Variants in KCTD4 observed in about 807,000 individuals in gnomAD.
KCTD4 encodes potassium channel tetramerization domain containing 4, also known as BTB/POZ domain-containing protein KCTD4.
A neutral mutation model predicts 18.3 loss-of-function variants in KCTD4; 12 were observed. The ratio of observed to expected loss-of-function variants is 0.66; its 90% CI spans 0.42 to 1.06. The LOEUF is 1.06. Among genes scored for constraint, KCTD4 ranks in the 50% least tolerant of loss-of-function variants. The probability of loss-of-function intolerance (pLI) is 0.00; values close to 1 mark genes in which losing one functional copy is unlikely to be tolerated. For missense variants in KCTD4, 250 were observed against 303.4 expected, an observed-to-expected ratio of 0.82 and a Z score of 1.31; for synonymous variants, 124 against 110.5, an observed-to-expected ratio of 1.12 and a Z score of -0.76.
intron 1 of KCTD4, among the ~76,000 whole-genome samples, chr13:45,199,268 T>C (rs1450766260): frequency 1.3e-5 from 2 of 152,166 alleles, no homozygotes; most frequent in Non-Finnish European, 2.9e-5. Flanking sequence ...TTAGCTTCAT[T>C]TGAGGAGTAT....
At chr13:45,198,895 ACTGT>A (rs1873036772) in intron 1 of KCTD4, among the ~76,000 whole-genome samples, 1 of 152,176 alleles carries the variant, frequency 6.6e-6, no homozygotes, top group Non-Finnish European at 1.5e-5. Flanking sequence ...TAAAAATTAC[ACTGT>A]CTAATTATTG....
In KCTD4 at chr13:45,196,761, C is replaced by G. The variant is rs1282652299; in HGVS notation, c.-187-2007G>C. Among the ~76,000 whole-genome samples, 3 of 152,120 alleles carry G rather than the reference C, an allele frequency of 2.0e-5. No individual in the cohort carries two copies. In the East Asian group the frequency reaches 5.8e-4, roughly 29 times the overall value. ...CTTCCTTACACCCTGTTTGGCCTGT[C>G]TATAGATGTCTTCATGGGAAGCCCC... On this transcript the variant is annotated intron_variant, in intron 1 of 1. Transcript: ENST00000379108.
chr13:45,194,483 T>G lies in KCTD4; in HGVS notation c.85A>C (p.Asn29His). The part of the protein sequence containing the change: ...NSLEDTDQGK[N>H]CKSTLMTLNV... Reference sequence around the variant, plus strand: ...AGGGTCATCAGTGTGGATTTGCAGTTCTTTCCTTGATCAGTATCTTCCAGG... The same window carrying G: ...AGGGTCATCAGTGTGGATTTGCAGTGCTTTCCTTGATCAGTATCTTCCAGG... Residue 29 changes from asparagine to histidine, a missense_variant, in exon 2 of 2, where the codon AAC (asparagine) becomes CAC (histidine). Physicochemically the swap from Asn to His is moderately conservative, Grantham distance 68. Transcript: ENST00000379108. 5 of 1,614,200 alleles carry G rather than the reference T, an allele frequency of 3.1e-6. No individual in the cohort carries two copies. Among genetic ancestry groups the G allele is most frequent in the Non-Finnish European group, 4.2e-6 (5 of 1,180,000 alleles).
chr13:45,197,017 TCTC>T (rs1370051090), intron 1 of KCTD4, among the ~76,000 whole-genome samples: 1 of 151,798 alleles, frequency 6.6e-6, no homozygotes, highest in Admixed American at 6.6e-5. Context: ...TTGTGCCTCT[TCTC>T]CTTGATTGTT....
intron 1 of KCTD4, among the ~76,000 whole-genome samples, chr13:45,195,855 C>T (rs1872865272): frequency 6.6e-6 from 1 of 152,018 alleles, no homozygotes; most frequent in Admixed American, 6.6e-5. Flanking sequence ...AAGTTTTTGC[C>T]ATGTTGCCCA....
In KCTD4 at chr13:45,194,296, T is replaced by C. The variant is rs761446425; in HGVS notation, c.272A>G (p.Asn91Ser). 9 of 1,614,040 alleles carry C rather than the reference T, an allele frequency of 5.6e-6. No individual in the cohort carries two copies. The highest frequency in any genetic ancestry group is 6.8e-6 in the Non-Finnish European group (8 of 1,180,018). ...TAGAAGTTCTCCATTTCGTAGGAAG[T>C]TTAGGACATGCCTGAAGAGGAGACC... ...RDGLLFRHVL[N>S]FLRNGELLLP... The change falls in exon 2 of 2, where the codon AAC becomes AGC. Residue 91 changes from asparagine (N) to serine (S), a missense_variant. Transcript: ENST00000379108.
rs942051249 is a variant in KCTD4 at position 45,199,160 on chromosome 13, A to G, written c.-188+1664T>C. ...CCTCTGGCCACAAGGTCGTGTGAAC[A>G]TGTCATTGCAGTCCAAAGAATACAG... On this transcript the variant is annotated intron_variant, in intron 1 of 1. Transcript: ENST00000379108. Among the ~76,000 whole-genome samples the G allele has an allele frequency of 5.9e-5, 9 of 152,374 alleles. 1 individual carries two copies. The highest frequency in any genetic ancestry group is 2.2e-4 in the African/African-American group (9 of 41,590).
In KCTD4 at chr13:45,194,610, AT is replaced by A. The variant is rs1302028845; in HGVS notation, c.-44del. 8 of 1,552,866 alleles carry A rather than the reference AT, an allele frequency of 5.2e-6. No individual in the cohort carries two copies. The highest frequency in any genetic ancestry group is 7.0e-6 in the Non-Finnish European group (8 of 1,145,564). ...TCAGCTTGTTCTTCTTGGCTTTGAGATTTTTTAAAAAGAGACACTACCACAC... is the reference window on the plus strand; with the variant it reads ...TCAGCTTGTTCTTCTTGGCTTTGAGATTTTTAAAAAGAGACACTACCACAC... On this transcript the variant is annotated 5_prime_UTR_variant, in exon 2 of 2. Transcript: ENST00000379108.
Position 45,196,200 on chromosome 13 carries a change from A to T in KCTD4, c.-187-1446T>A, listed in dbSNP as rs138401416. Among the ~76,000 whole-genome samples, 257 of 152,340 alleles carry T rather than the reference A, an allele frequency of 1.7e-3. 1 individual carries two copies. Among genetic ancestry groups the T allele is most frequent in the Middle Eastern group, 0.014 (4 of 294 alleles). On this transcript the variant is annotated intron_variant, in intron 1 of 1. Transcript: ENST00000379108. The stretch of plus-strand genomic sequence containing the variant: ...TGAAATCGAACTAGAAAACTAAGGC[A>T]TAATGTTTTTAGAGCTGTGTTTTTG...
intron 1 of KCTD4, among the ~76,000 whole-genome samples, chr13:45,198,944 A>G (rs2138179930): frequency 6.6e-6 from 1 of 152,316 alleles, no homozygotes; most frequent in South Asian, 2.1e-4. Flanking sequence ...TCCCATGTTA[A>G]TGTAATTCTT....
Position 45,193,848 on chromosome 13 carries a change from G to C in KCTD4, c.720C>G (p.Thr240=), listed in dbSNP as rs1294276589. The part of the protein sequence containing the change: ...MALKCGFRLL[T]SLDCSKGSIV... ...TTGACCCTTTGGAACAATCCAGGCT[G>C]GTCAGCAGTCTAAAGCCACACTTTA... is the stretch of plus-strand genomic sequence containing the variant. The change falls in exon 2 of 2, where the codon ACC becomes ACG. Residue 240 remains threonine, a synonymous_variant. Coordinates refer to ENST00000379108, the MANE Select transcript of KCTD4 (RefSeq NM_198404.3). 22 of 1,613,846 alleles carry C rather than the reference G, an allele frequency of 1.4e-5. No homozygotes were observed. Among genetic ancestry groups the C allele is most frequent in the Non-Finnish European group, 1.9e-5 (22 of 1,179,914 alleles).
At chr13:45,198,779 A>G (rs1181972370) in intron 1 of KCTD4, among the ~76,000 whole-genome samples, 1 of 150,968 alleles carries the variant, frequency 6.6e-6, no homozygotes, top group African/African-American at 2.4e-5. Flanking sequence ...TTTTTTTAAC[A>G]TGTACTTGCT....
rs1014743885 is a variant in KCTD4 at position 45,200,870 on chromosome 13, C to T, written c.-234G>A. 6.6e-6 allele frequency among the ~76,000 whole-genome samples: 1 copy of T among 152,120 alleles called. No homozygotes were observed. The highest frequency in any genetic ancestry group is 1.5e-5 in the Non-Finnish European group (1 of 68,028). ...TCTTCAGTCTTTTCCCAGAGAGTGT[C>T]GACACAGGTGTGATGTAATTAAGAG... is the stretch of plus-strand genomic sequence containing the variant. On this transcript the variant is annotated 5_prime_UTR_variant, in exon 1 of 2. Coordinates refer to ENST00000379108, the MANE Select transcript of KCTD4 (RefSeq NM_198404.3).
Position 45,197,509 on chromosome 13 carries a change from CAAAAAA to C in KCTD4, c.-187-2761_-187-2756del, listed in dbSNP as rs1195927657. 4.4e-5 allele frequency among the ~76,000 whole-genome samples: 4 copies of C among 91,474 alleles called. No homozygotes were observed. The East Asian group carries it at 1.4e-3, about 32-fold the overall frequency. The allele number at this position is 91,474 out of a possible 152,430, so 60.0% of individuals were successfully genotyped here. ...GGGCAACACAGTAAGACCCTGTCTC[CAAAAAA>C]AAAAAAAAAAAGGCACCCAGTAGGC... On this transcript the variant is annotated intron_variant, in intron 1 of 1. Transcript: ENST00000379108.
intron 1 of KCTD4, among the ~76,000 whole-genome samples, chr13:45,198,759 TGA>T (rs1353735018): frequency 6.6e-6 from 1 of 152,044 alleles, no homozygotes; most frequent in Non-Finnish European, 1.5e-5. Flanking sequence ...TTTCACAAGC[TGA>T]GTTTCTTTTT....
At position 45,193,759 on chromosome 13, in the gene KCTD4, C is replaced by T. The variant is rs1872749723; in HGVS notation, c.*29G>A. The stretch of plus-strand genomic sequence containing the variant: ...TTTTCCGAAGCTTGCTGGCTGCATG[C>T]TTGTTGCCTTTGTTCGTGACACAGG... On this transcript the variant is annotated 3_prime_UTR_variant, in exon 2 of 2. Transcript: ENST00000379108. The T allele has an allele frequency of 3.2e-6, 5 of 1,544,158 alleles. No individual in the cohort carries two copies. The highest frequency in any genetic ancestry group is 4.3e-6 in the Non-Finnish European group (5 of 1,149,602).
rs1267297592 is a variant in KCTD4, at chr13:45,193,119, TTTAC to T, written c.*665_*668del. 6.6e-6 allele frequency: 1 copy of T among 152,252 alleles called. No individual in the cohort carries two copies. Among genetic ancestry groups the T allele is most frequent in the African/African-American group, 2.4e-5 (1 of 41,470 alleles). 9.4% of individuals were successfully genotyped at this position (152,252 alleles called of 1,614,324 possible). ...ATCAAAGAAGGTAGCAGTGCTTTTA[TTTAC>T]TTTTTATTGTCATCAAGCAGTTTTC... On this transcript the variant is annotated 3_prime_UTR_variant, in exon 2 of 2. Coordinates refer to ENST00000379108, the MANE Select transcript of KCTD4 (RefSeq NM_198404.3).
Position 45,193,948 on chromosome 13 carries a change from C to T in KCTD4, c.620G>A (p.Arg207Gln), listed in dbSNP as rs1477892942. ...GGTGTTGTCTTCCTTTAGTACAAGT[C>T]GAGTGCCATTTTCAGACTTTATGAA... Reference protein sequence around the residue: ...KYFIKSENGTRLVLKEDNTFV... With the variant: ...KYFIKSENGTQLVLKEDNTFV... Residue 207 changes from arginine to glutamine, a missense_variant, in exon 2 of 2, where the codon CGA becomes CAA. Coordinates refer to ENST00000379108, the MANE Select transcript of KCTD4 (RefSeq NM_198404.3). The T allele has an allele frequency of 5.0e-6, 8 of 1,613,868 alleles. No individual in the cohort carries two copies. The highest frequency in any genetic ancestry group is 6.8e-6 in the Non-Finnish European group (8 of 1,179,970).
Position 45,194,135 on chromosome 13 carries a change from T to C in KCTD4, c.433A>G (p.Ile145Val). The C allele has an allele frequency of 1.2e-6, 2 of 1,614,118 alleles. No individual in the cohort carries two copies. Among genetic ancestry groups the C allele is most frequent in the Non-Finnish European group, 1.7e-6 (2 of 1,179,988 alleles). Residue 145 changes from isoleucine to valine, a missense_variant, in exon 2 of 2, where the codon ATA becomes GTA. Coordinates refer to ENST00000379108, the MANE Select transcript of KCTD4 (RefSeq NM_198404.3). ...TGTGAACGATCGTGGTTATCTGTTATTTCCAAGAAAGTAGTCTCTCTGGGT... is the reference window on the plus strand; with the variant it reads ...TGTGAACGATCGTGGTTATCTGTTACTTCCAAGAAAGTAGTCTCTCTGGGT... ...LTPRETTFLEITDNHDRSQGL... is the reference protein window; with the variant it reads ...LTPRETTFLEVTDNHDRSQGL...
Sources: allele counts gnomAD v4.1 joint callset (sites outside exome capture counted in the v4.1 genomes callset), GRCh38; gene constraint gnomAD v4.1.1; transcripts MANE v1.5; gene names NCBI Gene and HGNC (gene_info 2026-07-23, HGNC 2026-07-21).